Variants in RNF216 observed in about 807,000 individuals in gnomAD.
RNF216 encodes E3 ubiquitin-protein ligase RNF216.
RNF216 carries 72 observed loss-of-function variants against 110.8 expected under a neutral mutation model. The ratio of observed to expected loss-of-function variants is 0.65; its 90% CI spans 0.54 to 0.79. The LOEUF is 0.79. RNF216 is among the 30% of genes least tolerant of loss of function. The pLI, the probability that RNF216 is intolerant of heterozygous loss-of-function variation, is 0.00. For missense variants in RNF216, 1,342 were observed against 1,141.2 expected, an observed-to-expected ratio of 1.18 and a Z score of -2.54; for synonymous variants, 495 against 407.5, an observed-to-expected ratio of 1.21 and a Z score of -2.59.
At chr7:5,767,015 T>G (rs1193364015) in intron 1 of RNF216, 2 of 152,226 alleles carry the variant, frequency 1.3e-5, no homozygotes, top group Non-Finnish European at 2.9e-5. Flanking sequence ...TCACTTTACA[T>G]GCATAACACA....
Position 5,712,808 on chromosome 7 carries a change from A to C in RNF216, c.1889T>G (p.Leu630Arg). ...SCTCSFPTSE[L>R]EKVLPQTILY... ...GATGGTCTGGGGGAGCACCTTCTCC[A>C]GCTCACTGGTTGGGAACGAACACGT... The change falls in exon 12 of 17, where the codon CTG (leucine) becomes CGG (arginine). Residue 630 changes from leucine (L) to arginine (R), a missense_variant. Leu to Arg is a moderately radical substitution (Grantham distance 102, BLOSUM62 -2). Transcript: ENST00000389902. 1.2e-6 allele frequency: 2 copies of C among 1,614,064 alleles called. No homozygotes were observed. The highest frequency in any genetic ancestry group is 1.7e-6 in the Non-Finnish European group (2 of 1,179,996).
At chr7:5,676,806 G>A (rs1477739401) in intron 13 of RNF216, among the ~76,000 whole-genome samples, 2 of 152,236 alleles carry the variant, frequency 1.3e-5, no homozygotes, top group East Asian at 3.8e-4. Flanking sequence ...ACTGGACTCA[G>A]GTTCCAAGCA....
At chr7:5,678,408 A>T (rs1790440353) in intron 13 of RNF216, among the ~76,000 whole-genome samples, 2 of 152,200 alleles carry the variant, frequency 1.3e-5, no homozygotes, top group South Asian at 4.1e-4. Flanking sequence ...ATCGCCAAGG[A>T]CTGACCTACG....
At chr7:5,670,855 C>T (rs922540250) in intron 13 of RNF216, among the ~76,000 whole-genome samples, 8 of 152,144 alleles carry the variant, frequency 5.3e-5, no homozygotes, top group African/African-American at 1.9e-4. Context: ...ATAAGGAGGC[C>T]GTCTGTAGCC....
intron 13 of RNF216, among the ~76,000 whole-genome samples, chr7:5,707,685 T>G (rs942604594): frequency 6.7e-6 from 1 of 149,870 alleles, no homozygotes; most frequent in Non-Finnish European, 1.5e-5. Context: ...TTCCTGATCT[T>G]AGTAAAAAAA....
At chr7:5,712,622 A>G (rs1291673626) in intron 12 of RNF216, 93 bp downstream of exon 12, 23 of 1,262,276 alleles carry the variant, frequency 1.8e-5, no homozygotes, top group Non-Finnish European at 2.2e-6. Flanking sequence ...AACCTGGAAG[A>G]TAAACACAAT....
At chr7:5,678,517 G>A (rs1287201825) in intron 13 of RNF216, among the ~76,000 whole-genome samples, 6 of 152,176 alleles carry the variant, frequency 3.9e-5, no homozygotes, top group African/African-American at 1.4e-4. Context: ...CTCTGGGCCC[G>A]CCTGAGTAGT....
intron 2 of RNF216, among the ~76,000 whole-genome samples, chr7:5,753,893 G>A (rs987118783): frequency 6.6e-6 from 1 of 152,140 alleles, no homozygotes; most frequent in African/African-American, 2.4e-5. Flanking sequence ...TATTCAGGAG[G>A]CTGAGGCAGG....
At chr7:5,659,427 G>A (rs2128583493) in intron 13 of RNF216, among the ~76,000 whole-genome samples, 1 of 152,314 alleles carries the variant, frequency 6.6e-6, no homozygotes, top group East Asian at 1.9e-4. Context: ...GAAGGCTTCA[G>A]GGCAGGAGAG....
intron 1 of RNF216, among the ~76,000 whole-genome samples, chr7:5,770,536 A>G (rs1796441654): frequency 6.6e-6 from 1 of 152,096 alleles, no homozygotes; most frequent in Non-Finnish European, 1.5e-5. Context: ...CACGGGTGGG[A>G]AAGTTCAATT....
chr7:5,767,092 T>C (rs752699727), intron 1 of RNF216, among the ~76,000 whole-genome samples: 1 of 152,238 alleles, frequency 6.6e-6, no homozygotes, highest in East Asian at 1.9e-4. Flanking sequence ...AGACTTTGGC[T>C]CTGGCCATGA....
chr7:5,726,462 G>T (rs1004303399), intron 7 of RNF216, among the ~76,000 whole-genome samples: 6 of 152,138 alleles, frequency 3.9e-5, no homozygotes, highest in African/African-American at 9.7e-5. Flanking sequence ...ACCCCACCCT[G>T]TAACAGGATG....
At chr7:5,633,792 C>T (rs1482152925) in intron 15 of RNF216, among the ~76,000 whole-genome samples, 2 of 152,064 alleles carry the variant, frequency 1.3e-5, no homozygotes, top group Non-Finnish European at 2.9e-5. Flanking sequence ...GGCAAGCACC[C>T]GGCCTTTCCA....
At chr7:5,723,825 G>T (rs1793592961) in intron 8 of RNF216, among the ~76,000 whole-genome samples, 1 of 152,008 alleles carries the variant, frequency 6.6e-6, no homozygotes, top group Admixed American at 6.5e-5. Flanking sequence ...GAGAAAAATG[G>T]GATCCCTGGA....
chr7:5,753,038 T>C, intron 2 of RNF216, 59 bp from the exon 3 acceptor site: 3 of 1,549,140 alleles, frequency 1.9e-6, no homozygotes, highest in Non-Finnish European at 2.6e-6. Context: ...TCCAACTCTT[T>C]AAGTTTTTCC....
At position 5,730,837 on chromosome 7, in the gene RNF216, T is replaced by C. The variant is rs71531332; in HGVS notation, c.1122-20A>G. The C allele has an allele frequency of 3.7e-3, 5,853 of 1,573,670 alleles. 10 individuals carry two copies. Among genetic ancestry groups the C allele is most frequent in the Non-Finnish European group, 4.6e-3 (5,352 of 1,156,490 alleles). On this transcript the variant is annotated intron_variant, in intron 5 of 16. Transcript: ENST00000389902. ...CAAAGTCTGCAGAAACAAATGATGT[T>C]ACTTTCATACTGCTTCCAAATCCCA...
intron 7 of RNF216, 29 bp downstream of exon 7, chr7:5,729,403 G>A (rs1793952560): frequency 2.5e-6 from 4 of 1,610,182 alleles, no homozygotes; most frequent in Non-Finnish European, 3.4e-6. Context: ...CAAGAGGTGT[G>A]ACCCCAACAG....
chr7:5,684,206 C>G (rs1562388300), intron 13 of RNF216, among the ~76,000 whole-genome samples: 1 of 149,798 alleles, frequency 6.7e-6, no homozygotes, highest in Non-Finnish European at 1.5e-5. Flanking sequence ...AGGTTCACGC[C>G]ATTCTCCCAC....
Position 5,622,893 on chromosome 7 carries a change from C to T in RNF216, c.2739G>A (p.Met913Ile). ...IHMPLEHNLP[M>I]HFGPQPRHRF ...GATGCCGCGGCTGGGGGCCAAAGTG[C>T]ATGGGCAGGTTGTGCTCCAGGGGCA... is the stretch of plus-strand genomic sequence containing the variant. Residue 913 changes from methionine to isoleucine, a missense_variant, in exon 17 of 17, where the codon ATG becomes ATA. Transcript: ENST00000389902. 1 of 1,610,390 alleles carries T rather than the reference C, an allele frequency of 6.2e-7. No homozygotes were observed. Among genetic ancestry groups the T allele is most frequent in the Non-Finnish European group, 8.5e-7 (1 of 1,177,608 alleles).
Sources: gnomAD v4.1 joint callset for allele counts (sites outside exome capture counted in the v4.1 genomes callset) on GRCh38, gnomAD v4.1.1 for gene constraint, MANE v1.5 for transcripts, NCBI Gene and HGNC (gene_info 2026-07-23, HGNC 2026-07-21) for gene names.